Variants in LY96 observed in about 807,000 individuals in gnomAD.
LY96 encodes lymphocyte antigen 96.
LY96 carries 18 observed loss-of-function variants against 18.9 expected under a neutral mutation model. That is an observed-to-expected ratio of 0.95 (90% CI 0.66 to 1.41). The LOEUF (loss-of-function observed/expected upper bound fraction) is 1.41, where lower values mean the gene tolerates loss of function less well. Ranked by LOEUF, LY96 falls within the 40% of genes most tolerant of loss-of-function variation. LY96 has a pLI of 0.00. For missense variants in LY96, 175 were observed against 182.4 expected (o/e 0.96, Z 0.23); for synonymous variants, 66 against 62.6 (o/e 1.06, Z -0.26).
the LY96 span, among the ~76,000 whole-genome samples, chr8:74,055,552 A>T: frequency 6.6e-6 from 1 of 152,170 alleles, no homozygotes; most frequent in African/African-American, 2.4e-5. Flanking sequence ...TGCATAGTAG[A>T]CAGAATGGTC....
chr8:74,014,394 G>GA lies in LY96; in HGVS notation c.331+4277dup, dbSNP rs60971901. On this transcript the variant is annotated intron_variant, in intron 3 of 4. Transcript: ENST00000284818. ...ACTCCCTGACTTAAAAAAAAAAAAAGAAAAAAAAAAAAGCACCACACTTGA... is the reference window on the plus strand; with the variant it reads ...ACTCCCTGACTTAAAAAAAAAAAAAGAAAAAAAAAAAAAGCACCACACTTGA... Among the ~76,000 whole-genome samples, 59 of 112,856 alleles carry GA rather than the reference G, an allele frequency of 5.2e-4. No homozygotes were observed. In the East Asian group the frequency reaches 7.9e-3, roughly 15 times the overall value. 74.0% of individuals were successfully genotyped at this position (112,856 alleles called of 152,430 possible). A position where few individuals can be genotyped will look rare whatever the true frequency, so the allele number is the denominator to read the frequency against.
chr8:74,074,940 GAA>G, the LY96 span, among the ~76,000 whole-genome samples: 1 of 151,710 alleles, frequency 6.6e-6, no homozygotes, highest in Admixed American at 6.6e-5. Context: ...ATATGCTGAG[GAA>G]AAAAAAGTGT....
the LY96 span, among the ~76,000 whole-genome samples, chr8:74,054,225 C>T: frequency 3.3e-3 from 495 of 152,230 alleles, 5 homozygotes; most frequent in African/African-American, 0.011. Flanking sequence ...TGGGGTCTCA[C>T]CACATTGGTC....
In LY96 at chr8:74,022,322, A is replaced by C. The variant is rs553591520; in HGVS notation, c.332-4467A>C. ...CCACCCGGGAGCCTGAGGCAGGAGA[A>C]TCACTTGAATGAAGGCAGAGGTTGC... On this transcript the variant is annotated intron_variant, in intron 3 of 4. Transcript: ENST00000284818. 6.6e-5 allele frequency among the ~76,000 whole-genome samples: 10 copies of C among 152,106 alleles called. No individual in the cohort carries two copies. The South Asian group carries it at 2.1e-3, about 32-fold the overall frequency.
intron 3 of LY96, among the ~76,000 whole-genome samples, chr8:74,010,895 T>G (rs1816517359): frequency 6.9e-6 from 1 of 144,766 alleles, no homozygotes; most frequent in African/African-American, 2.8e-5. Flanking sequence ...AAAAAATCCC[T>G]TAGCAGATTA....
intron 3 of LY96, among the ~76,000 whole-genome samples, chr8:74,014,999 G>C (rs915091592): frequency 3.7e-4 from 56 of 152,228 alleles, no homozygotes; most frequent in African/African-American, 1.3e-3. Flanking sequence ...TTGACATCAG[G>C]AGTTTGAGAA....
At chr8:74,075,509 G>A in the LY96 span, among the ~76,000 whole-genome samples, 3 of 152,126 alleles carry the variant, frequency 2.0e-5, no homozygotes, top group South Asian at 2.1e-4. Flanking sequence ...GGCTTCAAGC[G>A]ATCCTCCTGC....
the LY96 span, among the ~76,000 whole-genome samples, chr8:74,080,318 C>G: frequency 6.6e-6 from 1 of 152,120 alleles, no homozygotes; most frequent in Non-Finnish European, 1.5e-5. Context: ...AGTACCTCAT[C>G]GGAAGTTCTT....
chr8:74,005,781 C>T (rs187258910), intron 2 of LY96, among the ~76,000 whole-genome samples: 1 of 152,326 alleles, frequency 6.6e-6, no homozygotes, highest in Admixed American at 6.5e-5. Context: ...TTTTTCCTCT[C>T]CTACCAGTTA....
At chr8:74,013,720 A>C (rs571283000) in intron 3 of LY96, among the ~76,000 whole-genome samples, 14 of 152,204 alleles carry the variant, frequency 9.2e-5, no homozygotes, top group Non-Finnish European at 1.8e-4. Flanking sequence ...CATTCCCTGG[A>C]GAGGAAACAG....
At chr8:74,082,589 A>G in the LY96 span, among the ~76,000 whole-genome samples, 3 of 152,232 alleles carry the variant, frequency 2.0e-5, no homozygotes, top group South Asian at 2.1e-4. Context: ...TTTCTCACCC[A>G]TCGTAGGTTC....
chr8:74,081,025 T>A, the LY96 span, among the ~76,000 whole-genome samples: 387 of 133,276 alleles, frequency 2.9e-3, 6 homozygotes, highest in African/African-American at 0.012. Context: ...TTTCTTTCTT[T>A]CTTTCTTTCT....
chr8:74,000,554 G>A (rs1402881053), intron 1 of LY96, among the ~76,000 whole-genome samples: 1 of 152,026 alleles, frequency 6.6e-6, no homozygotes, highest in Non-Finnish European at 1.5e-5. Flanking sequence ...TGCCCTTAAT[G>A]CTCTGTTCAT....
At chr8:74,078,832 C>A in the LY96 span, among the ~76,000 whole-genome samples, 3 of 152,306 alleles carry the variant, frequency 2.0e-5, no homozygotes, top group Non-Finnish European at 4.4e-5. Flanking sequence ...GAGAACAATA[C>A]TATTCTGAAT....
chr8:74,010,189 G>A, intron 3 of LY96, 60 bp downstream of exon 3: 1 of 1,482,816 alleles, frequency 6.7e-7, no homozygotes, highest in Non-Finnish European at 9.4e-7. Context: ...AAAATGTTAT[G>A]AAAATTAAAT....
chr8:74,077,678 A>G, the LY96 span, among the ~76,000 whole-genome samples: 6 of 152,140 alleles, frequency 3.9e-5, no homozygotes, highest in South Asian at 6.2e-4. Flanking sequence ...ATAGAAAAAT[A>G]CGTGAAATAA....
chr8:74,014,347 G>C (rs893254093), intron 3 of LY96, among the ~76,000 whole-genome samples: 2 of 148,930 alleles, frequency 1.3e-5, no homozygotes, highest in Non-Finnish European at 3.0e-5. Context: ...GGAGGTCTTG[G>C]CTAGCTGTGA....
At chr8:74,093,488 G>A in the LY96 span, among the ~76,000 whole-genome samples, 1 of 152,258 alleles carries the variant, frequency 6.6e-6, no homozygotes, top group East Asian at 1.9e-4. Flanking sequence ...CTTAACATGT[G>A]GTAAATATGA....
intron 1 of LY96, among the ~76,000 whole-genome samples, chr8:74,003,170 A>G (rs556177290): frequency 6.6e-6 from 1 of 151,552 alleles, no homozygotes; most frequent in Non-Finnish European, 1.5e-5. Context: ...GGCCTCACAC[A>G]GGAACATACC....
Sources: allele counts gnomAD v4.1 joint callset (sites outside exome capture counted in the v4.1 genomes callset), GRCh38; gene constraint gnomAD v4.1.1; transcripts MANE v1.5; gene names NCBI Gene and HGNC (gene_info 2026-07-23, HGNC 2026-07-21).